GPHN: variants seen among roughly 807,000 people sequenced by gnomAD.
GPHN encodes gephyrin.
In GPHN, 17 loss-of-function variants were observed where a neutral mutation model predicts 95.5. That is an observed-to-expected ratio of 0.18 (90% CI 0.12 to 0.27). GPHN has a LOEUF of 0.27. Among genes scored for constraint, GPHN ranks in the 10% least tolerant of loss-of-function variants. The pLI is 1.00. For synonymous variants in GPHN, 320 were observed against 322.5 expected (o/e 0.99, Z 0.08); for missense variants, 660 against 978.1 (o/e 0.67, Z 4.34).
chr14:67,087,833 A>G (rs543441466), intron 11 of GPHN, among the ~76,000 whole-genome samples: 1 of 152,316 alleles, frequency 6.6e-6, no homozygotes, highest in East Asian at 1.9e-4. Context: ...ATCAAGTCCT[A>G]TATTACTTGT....
At chr14:67,694,435 T>C in the GPHN span, among the ~76,000 whole-genome samples, 2 of 135,924 alleles carry the variant, frequency 1.5e-5, no homozygotes, top group African/African-American at 2.6e-5. Context: ...TCCTGGAATA[T>C]ATATATATAT....
Position 66,841,031 on chromosome 14 carries a change from A to G in GPHN, c.294+16465A>G, listed in dbSNP as rs547837208. Among the ~76,000 whole-genome samples, 214 of 144,022 alleles carry G rather than the reference A, an allele frequency of 1.5e-3. 1 individual carries two copies. Among genetic ancestry groups the G allele is most frequent in the African/African-American group, 5.4e-3 (205 of 37,688 alleles). 94.5% of individuals were successfully genotyped at this position (144,022 alleles called of 152,430 possible). On this transcript the variant is annotated intron_variant, in intron 4 of 22. Transcript: ENST00000478722. ...TATAGATATAGATATAGATATAGATATAGGTATAGATATAGATATATACAT... is the reference window on the plus strand; with the variant it reads ...TATAGATATAGATATAGATATAGATGTAGGTATAGATATAGATATATACAT...
At chr14:67,355,099 A>G in the GPHN span, among the ~76,000 whole-genome samples, 1 of 152,172 alleles carries the variant, frequency 6.6e-6, no homozygotes, top group Non-Finnish European at 1.5e-5. Context: ...GGCATGAGCC[A>G]CCGCACCTGG....
the GPHN span, among the ~76,000 whole-genome samples, chr14:67,410,292 A>G: frequency 6.6e-6 from 1 of 152,126 alleles, no homozygotes; most frequent in Non-Finnish European, 1.5e-5. Flanking sequence ...CTCTATCAGA[A>G]GGATCTGTCT....
At chr14:66,971,868 T>C (rs558757472) in intron 9 of GPHN, among the ~76,000 whole-genome samples, 1 of 152,354 alleles carries the variant, frequency 6.6e-6, no homozygotes, top group South Asian at 2.1e-4. Context: ...AAAGTCACCT[T>C]CATTAATATA....
chr14:66,655,665 T>C (rs563184638), intron 1 of GPHN, among the ~76,000 whole-genome samples: 2 of 152,186 alleles, frequency 1.3e-5, no homozygotes, highest in South Asian at 4.1e-4. Context: ...ATATATCTTT[T>C]TTTTTTTGTT....
Position 66,956,400 on chromosome 14 carries a change from A to C in GPHN, c.829-8791A>C, listed in dbSNP as rs2068507367. On this transcript the variant is annotated intron_variant, in intron 8 of 22. Transcript: ENST00000478722. ...TTTATAGTCCTTTGGGTATACACCC[A>C]GTAATGGGATGGCTGGGTCAAATGG... Among the ~76,000 whole-genome samples, 3 of 152,314 alleles carry C rather than the reference A, an allele frequency of 2.0e-5. No individual in the cohort carries two copies. The South Asian group carries it at 6.2e-4, about 32-fold the overall frequency.
the GPHN span, among the ~76,000 whole-genome samples, chr14:67,672,053 G>A: frequency 1.3e-5 from 2 of 151,892 alleles, no homozygotes; most frequent in South Asian, 2.1e-4. Context: ...ATGTTCTTTT[G>A]CATTATTTAG....
chr14:66,914,622 C>T (rs1441658596), intron 5 of GPHN, among the ~76,000 whole-genome samples: 3 of 151,910 alleles, frequency 2.0e-5, no homozygotes, highest in Non-Finnish European at 2.9e-5. Flanking sequence ...TACAAACTTC[C>T]GGATGTAGCT....
chr14:66,683,367 T>TTC (rs375267255), intron 2 of GPHN, among the ~76,000 whole-genome samples: 2 of 18,910 alleles, frequency 1.1e-4, no homozygotes, highest in South Asian at 2.3e-3. Context: ...TATATATATA[T>TTC]ATATATATAT....
chr14:67,284,285 A>G, the GPHN span, among the ~76,000 whole-genome samples: 4 of 151,920 alleles, frequency 2.6e-5, no homozygotes, highest in African/African-American at 9.7e-5. Context: ...TGTAGAATTC[A>G]TTAGTTTTTA....
intron 4 of GPHN, among the ~76,000 whole-genome samples, chr14:66,855,489 CTATTA>C (rs2153518106): frequency 6.6e-6 from 1 of 152,172 alleles, no homozygotes; most frequent in South Asian, 2.1e-4. Context: ...GAATAATATT[CTATTA>C]TATGTAATAC....
At chr14:66,764,698 G>A (rs2058896466) in intron 2 of GPHN, among the ~76,000 whole-genome samples, 1 of 152,074 alleles carries the variant, frequency 6.6e-6, no homozygotes, top group South Asian at 2.1e-4. Flanking sequence ...GAAAAATATA[G>A]AGAATAACTT....
chr14:67,174,475 T>C (rs965322637), intron 21 of GPHN, among the ~76,000 whole-genome samples: 1 of 152,216 alleles, frequency 6.6e-6, no homozygotes, highest in Non-Finnish European at 1.5e-5. Context: ...TTATCCAGTC[T>C]ATTATTGATG....
intron 11 of GPHN, among the ~76,000 whole-genome samples, chr14:67,073,557 A>G (rs1374588387): frequency 6.6e-6 from 1 of 152,328 alleles, no homozygotes; most frequent in East Asian, 1.9e-4. Context: ...TTATACATAG[A>G]AATGAATATA....
chr14:66,780,088 G>A (rs999903541), intron 3 of GPHN, among the ~76,000 whole-genome samples: 2 of 152,172 alleles, frequency 1.3e-5, no homozygotes, highest in Non-Finnish European at 1.5e-5. Context: ...GGGGAAATTG[G>A]AAAGATTGAC....
intron 4 of GPHN, among the ~76,000 whole-genome samples, chr14:66,870,381 C>T (rs1173740868): frequency 6.6e-6 from 1 of 152,080 alleles, no homozygotes; most frequent in Non-Finnish European, 1.5e-5. Flanking sequence ...AGAAGATCTT[C>T]AGAAAGAATT....
the GPHN span, among the ~76,000 whole-genome samples, chr14:67,323,261 G>GTGTGTGTGTGTATA: frequency 2.4e-5 from 3 of 124,138 alleles, no homozygotes; most frequent in Non-Finnish European, 3.7e-5. Flanking sequence ...GTGTGTGTGT[G>GTGTGTGTGTGTATA]TATATATATA....
intron 18 of GPHN, among the ~76,000 whole-genome samples, chr14:67,154,842 T>C (rs1388790528): frequency 2.6e-5 from 4 of 151,632 alleles, no homozygotes; most frequent in Non-Finnish European, 5.9e-5. Context: ...ATAAAAACTA[T>C]GTAAAATTTT....
Sources: allele counts gnomAD v4.1 joint callset (sites outside exome capture counted in the v4.1 genomes callset), GRCh38; gene constraint gnomAD v4.1.1; transcripts MANE v1.5; gene names NCBI Gene and HGNC (gene_info 2026-07-23, HGNC 2026-07-21).